Variants in RIN3 observed in about 807,000 individuals in gnomAD.
The protein encoded by RIN3 is RAB5 interacting protein 3.
RIN3 carries 54 observed loss-of-function variants against 76.3 expected under a neutral mutation model. The observed-to-expected ratio is 0.71, with a 90% CI of 0.57 to 0.89. The LOEUF (loss-of-function observed/expected upper bound fraction) is 0.89. RIN3 is among the 40% of genes least tolerant of loss of function. The pLI, the probability that RIN3 is intolerant of heterozygous loss-of-function variation, is 0.00. For synonymous variants in RIN3, 576 were observed against 564.0 expected (o/e 1.02, Z -0.30); for missense variants, 1,256 against 1,322.1 (o/e 0.95, Z 0.78).
chr14:92,588,958 T>C (rs916982288), intron 3 of RIN3, among the ~76,000 whole-genome samples: 5 of 152,236 alleles, frequency 3.3e-5, no homozygotes, highest in Admixed American at 6.5e-5. Flanking sequence ...TAGTTTGTCC[T>C]GGCCATCCTG....
intron 1 of RIN3, among the ~76,000 whole-genome samples, chr14:92,533,693 A>G (rs902265362): frequency 6.6e-6 from 1 of 152,198 alleles, no homozygotes; most frequent in African/African-American, 2.4e-5. Context: ...TAAGAATAAT[A>G]CAATGGACTC....
In RIN3 at chr14:92,681,331, C is replaced by A. The variant is rs1033601751; in HGVS notation, c.2468-3656C>A. 8.7e-4 allele frequency among the ~76,000 whole-genome samples: 61 copies of A among 69,890 alleles called. No homozygotes were observed. Among genetic ancestry groups the A allele is most frequent in the Middle Eastern group, 6.4e-3 (1 of 156 alleles). The allele number at this position is 69,890 out of a possible 152,430, so 45.9% of individuals were successfully genotyped here. A position where few individuals can be genotyped will look rare whatever the true frequency, so the allele number is the denominator to read the frequency against. ...AGAGGCCTCACGAAGAAGTCAGACT[C>A]CAGCACCAAGAGTGCAGCAGTAGGG... On this transcript the variant is annotated intron_variant, in intron 8 of 9. Coordinates refer to ENST00000216487, the MANE Select transcript of RIN3 (RefSeq NM_024832.5). This position sits in a 1 kb window ranked among gnomAD's most constrained non-coding sequence, Gnocchi z 4.7.
intron 5 of RIN3, among the ~76,000 whole-genome samples, chr14:92,647,422 G>A (rs1181800695): frequency 6.6e-6 from 1 of 152,092 alleles, no homozygotes; most frequent in East Asian, 1.9e-4. Flanking sequence ...TAGAGAATAG[G>A]GATTACTCGC....
chr14:92,536,218 C>T (rs888822302), intron 1 of RIN3, among the ~76,000 whole-genome samples: 1 of 152,200 alleles, frequency 6.6e-6, no homozygotes, highest in Non-Finnish European at 1.5e-5. Flanking sequence ...TCATCTCCCT[C>T]TGCCTTTTCA....
intron 2 of RIN3, among the ~76,000 whole-genome samples, chr14:92,563,054 T>A (rs186532263): frequency 5.1e-4 from 78 of 152,222 alleles, no homozygotes; most frequent in Admixed American, 1.6e-3. Flanking sequence ...CTGTTGAGTA[T>A]TAGTTTGGTA....
At chr14:92,659,080 G>A in intron 6 of RIN3, 81 bp from the exon 7 acceptor site, 2 of 1,351,572 alleles carry the variant, frequency 1.5e-6, no homozygotes, top group Non-Finnish European at 1.0e-6. Flanking sequence ...GATGGGGATG[G>A]CTGTGCTGTT....
At chr14:92,686,556 GGACACTCTT>G (rs1484918860) in intron 9 of RIN3, 1 of 152,324 alleles carries the variant, frequency 6.6e-6, no homozygotes, top group Non-Finnish European at 1.5e-5. Context: ...GTAGGGACAT[GGACACTCTT>G]GGTCCAAGCC....
At chr14:92,642,898 C>T (rs1887069696) in intron 5 of RIN3, among the ~76,000 whole-genome samples, 1 of 152,196 alleles carries the variant, frequency 6.6e-6, no homozygotes, top group Admixed American at 6.5e-5. Flanking sequence ...TCAAACAATC[C>T]TATAAAGCAA....
chr14:92,686,497 G>C (rs1282339233), intron 9 of RIN3: 1 of 152,244 alleles, frequency 6.6e-6, no homozygotes, highest in Non-Finnish European at 1.5e-5. Flanking sequence ...GCCAGCTCCA[G>C]CACACCTCTG....
At chr14:92,564,855 A>T (rs1323798227) in intron 2 of RIN3, among the ~76,000 whole-genome samples, 1 of 152,258 alleles carries the variant, frequency 6.6e-6, no homozygotes, top group Non-Finnish European at 1.5e-5. Flanking sequence ...TGACTCAGCA[A>T]GGCCCCAGAC....
At chr14:92,521,519 T>G (rs1364258781) in intron 1 of RIN3, among the ~76,000 whole-genome samples, 1 of 152,114 alleles carries the variant, frequency 6.6e-6, no homozygotes, top group East Asian at 1.9e-4. Context: ...AGTTCTCAGT[T>G]CACATGAGAT....
rs1490635137 is a variant in RIN3 at position 92,549,127 on chromosome 14, G to C, written c.45-6624G>C. The stretch of plus-strand genomic sequence containing the variant: ...CACACTGGCTTCTACTGGCCCAAAA[G>C]CCCTCTAAGGCCAGGGACCAGGCCT... On this transcript the variant is annotated intron_variant, in intron 1 of 9. Coordinates refer to ENST00000216487, the MANE Select transcript of RIN3 (RefSeq NM_024832.5). Among the ~76,000 whole-genome samples, 3 of 152,150 alleles carry C rather than the reference G, an allele frequency of 2.0e-5. No individual in the cohort carries two copies. In the East Asian group the frequency reaches 5.8e-4, roughly 29 times the overall value.
intron 1 of RIN3, among the ~76,000 whole-genome samples, chr14:92,551,388 A>C (rs1897421437): frequency 6.6e-6 from 1 of 152,192 alleles, no homozygotes; most frequent in Non-Finnish European, 1.5e-5. Flanking sequence ...GTATTGAGCT[A>C]TTAGGAGGAG....
At chr14:92,633,823 A>C (rs534315200) in intron 4 of RIN3, among the ~76,000 whole-genome samples, 1 of 151,858 alleles carries the variant, frequency 6.6e-6, no homozygotes, top group African/African-American at 2.4e-5. Context: ...TGTAGCTGGA[A>C]TAAGTCTCAT....
intron 2 of RIN3, among the ~76,000 whole-genome samples, chr14:92,566,272 C>T (rs529057392): frequency 6.6e-6 from 1 of 152,296 alleles, no homozygotes; most frequent in South Asian, 2.1e-4. Flanking sequence ...CCCTTCTATT[C>T]CTCCATCTTC....
intron 2 of RIN3, among the ~76,000 whole-genome samples, chr14:92,558,248 C>G (rs1358422092): frequency 1.3e-5 from 2 of 152,082 alleles, no homozygotes; most frequent in African/African-American, 4.8e-5. Flanking sequence ...ATTCGGGAGG[C>G]TGAGGTGGGA....
chr14:92,678,398 C>A (rs1027396437), intron 8 of RIN3, among the ~76,000 whole-genome samples: 4 of 151,576 alleles, frequency 2.6e-5, no homozygotes, highest in Admixed American at 2.6e-4. Flanking sequence ...ACCCACCAAT[C>A]CACATATTCG....
In RIN3 at chr14:92,652,020, C is replaced by G; in HGVS notation, c.971C>G (p.Pro324Arg). 6.3e-7 allele frequency: 1 copy of G among 1,592,112 alleles called. No individual in the cohort carries two copies. The highest frequency in any genetic ancestry group is 1.3e-5 in the African/African-American group (1 of 74,256). Residue 324 changes from proline (P) to arginine (R), a missense_variant, in exon 6 of 10, where the codon CCC (proline) becomes CGC (arginine). Pro to Arg is a moderately radical substitution (Grantham distance 103). Transcript: ENST00000216487. This position sits in a 1 kb window ranked among gnomAD's most constrained non-coding sequence, Gnocchi z 6.4. ...CCAGTGCCTGCCCCCCACGTCACACCCCATGCCCCAGGTCCCCCAGACCAT... is the reference window on the plus strand; with the variant it reads ...CCAGTGCCTGCCCCCCACGTCACACGCCATGCCCCAGGTCCCCCAGACCAT... ...SPPVPAPHVT[P>R]HAPGPPDHPN... is the part of the protein sequence containing the mutation.
chr14:92,621,858 G>A (rs913635692), intron 4 of RIN3, among the ~76,000 whole-genome samples: 9 of 152,286 alleles, frequency 5.9e-5, no homozygotes, highest in South Asian at 2.1e-4. Flanking sequence ...CCAGTAGCTC[G>A]GAACCTTAGC....
Sources: allele counts gnomAD v4.1 joint callset (sites outside exome capture counted in the v4.1 genomes callset), GRCh38; gene constraint gnomAD v4.1.1; non-coding constraint Gnocchi (gnomAD v3.1); transcripts MANE v1.5; gene names NCBI Gene and HGNC (gene_info 2026-07-23, HGNC 2026-07-21).